The following MAU2 variants were observed in gnomAD, a reference collection of about 807,000 sequenced individuals.
MAU2 encodes the protein MAU2 chromatid cohesion factor homolog.
MAU2 carries 9 observed loss-of-function variants against 89.1 expected under a neutral mutation model. The observed-to-expected ratio is 0.10, with a 90% CI of 0.06 to 0.18. MAU2 has a LOEUF of 0.18. MAU2 is among the 10% of genes least tolerant of loss of function. MAU2 has a pLI of 1.00. For synonymous variants in MAU2, 357 were observed against 343.4 expected, an observed-to-expected ratio of 1.04 and a Z score of -0.44; for missense variants, 425 against 803.5, an observed-to-expected ratio of 0.53 and a Z score of 5.69.
intron 9 of MAU2, among the ~76,000 whole-genome samples, chr19:19,343,108 G>A (rs1161853372): frequency 6.6e-6 from 1 of 152,218 alleles, no homozygotes; most frequent in Non-Finnish European, 1.5e-5. Flanking sequence ...GTCATGCTCA[G>A]TTGAAACAGG....
At chr19:19,348,363 CAA>C in intron 13 of MAU2, 1 of 204,742 alleles carries the variant, frequency 4.9e-6, no homozygotes. Context: ...GAACCTGTCT[CAA>C]AGGAAAAAGA....
intron 1 of MAU2, among the ~76,000 whole-genome samples, chr19:19,327,150 C>T (rs1293671888): frequency 1.4e-5 from 2 of 139,816 alleles, no homozygotes; most frequent in Non-Finnish European, 3.1e-5. Context: ...TAGATGGACT[C>T]TCACTCTGTT....
At chr19:19,347,026 G>T (rs1040211504) in intron 12 of MAU2, 3 of 485,810 alleles carry the variant, frequency 6.2e-6, no homozygotes, top group Admixed American at 3.6e-5. Context: ...GACATGTTCT[G>T]AGGGTAGGAT....
chr19:19,350,667 A>C (rs961238381), intron 16 of MAU2, among the ~76,000 whole-genome samples: 1 of 150,946 alleles, frequency 6.6e-6, no homozygotes, highest in Non-Finnish European at 1.5e-5. Flanking sequence ...TTGGGAGGCC[A>C]AGGCGGGCAG....
intron 10 of MAU2, chr19:19,344,577 G>A: frequency 3.7e-6 from 2 of 546,450 alleles, no homozygotes; most frequent in South Asian, 4.5e-5. Flanking sequence ...TCCTGAGAGG[G>A]CATGGGGGCC....
chr19:19,348,813 A>G, intron 13 of MAU2, 76 bp from the exon 14 acceptor site: 1 of 1,479,598 alleles, frequency 6.8e-7, no homozygotes, highest in Non-Finnish European at 9.5e-7. Context: ...AGAAATTCCC[A>G]TGCACTGCAG....
intron 5 of MAU2, chr19:19,339,681 C>T (rs1002044800): frequency 7.2e-5 from 11 of 151,918 alleles, no homozygotes; most frequent in African/African-American, 2.4e-4. Context: ...GCCATTGCAC[C>T]CAACCGCCTT....
chr19:19,351,078 C>T (rs938071163), intron 16 of MAU2, among the ~76,000 whole-genome samples: 4 of 151,834 alleles, frequency 2.6e-5, no homozygotes, highest in African/African-American at 4.8e-5. Flanking sequence ...AGTCTCACTC[C>T]GTCACCCAAG....
intron 4 of MAU2, among the ~76,000 whole-genome samples, 161 bp from the exon 5 acceptor site, chr19:19,338,684 T>G (rs2061616212): frequency 6.6e-6 from 1 of 152,202 alleles, no homozygotes; most frequent in Non-Finnish European, 1.5e-5. Flanking sequence ...CCCAAAGCAA[T>G]TAGCGTTGAT....
chr19:19,324,411 G>A (rs2061487925), intron 1 of MAU2, among the ~76,000 whole-genome samples: 1 of 152,170 alleles, frequency 6.6e-6, no homozygotes, highest in Non-Finnish European at 1.5e-5. Flanking sequence ...TTATTGACTG[G>A]GAGGGGTCTG....
At chr19:19,329,458 C>T (rs988795407) in intron 1 of MAU2, among the ~76,000 whole-genome samples, 2 of 152,168 alleles carry the variant, frequency 1.3e-5, no homozygotes, top group African/African-American at 4.8e-5. Flanking sequence ...TTGGCACCTA[C>T]TACATGCCAG....
intron 1 of MAU2, among the ~76,000 whole-genome samples, chr19:19,330,008 C>T (rs993317359): frequency 6.7e-6 from 1 of 150,372 alleles, no homozygotes; most frequent in Admixed American, 6.6e-5. Context: ...GAGATAAAGT[C>T]TCACTCTGTC....
At chr19:19,329,912 C>T (rs1050834167) in intron 1 of MAU2, among the ~76,000 whole-genome samples, 1 of 152,032 alleles carries the variant, frequency 6.6e-6, no homozygotes, top group Non-Finnish European at 1.5e-5. Context: ...GCCATGATTG[C>T]ACCACTGCAT....
chr19:19,331,531 G>A (rs145873537), intron 1 of MAU2, among the ~76,000 whole-genome samples: 5 of 151,896 alleles, frequency 3.3e-5, no homozygotes, highest in African/African-American at 7.2e-5. Flanking sequence ...AGATGAGGTA[G>A]CAACCTTGGG....
chr19:19,342,890 A>G lies in MAU2; in HGVS notation c.973+24A>G, dbSNP rs543012604. On this transcript the variant is annotated intron_variant, in intron 9 of 18. Coordinates refer to ENST00000262815, the MANE Select transcript of MAU2 (RefSeq NM_015329.4). ...GAGTAAGTCAGGTGCTCGGCTGGCC[A>G]CATGGCCACAGCGACCCCTGGCGGA... is the stretch of plus-strand genomic sequence containing the variant. 3.1e-5 allele frequency: 50 copies of G among 1,612,274 alleles called. No homozygotes were observed. In the East Asian group the frequency reaches 1.1e-3, roughly 35 times the overall value.
At chr19:19,334,196 C>T in intron 1 of MAU2, 1 of 985,380 alleles carries the variant, frequency 1.0e-6, no homozygotes, top group South Asian at 4.7e-5. Context: ...GGAGCCTCAC[C>T]TCTGGGGCCA....
At chr19:19,347,219 C>T in intron 12 of MAU2, 61 bp from the exon 13 acceptor site, 1 of 1,016,806 alleles carries the variant, frequency 9.8e-7, no homozygotes, top group South Asian at 1.3e-5. Context: ...GGTGCTCTGA[C>T]ACTGCCACAT....
At chr19:19,344,089 G>A in intron 10 of MAU2, 149 bp downstream of exon 10, 1 of 644,138 alleles carries the variant, frequency 1.6e-6, no homozygotes, top group Non-Finnish European at 2.8e-6. Context: ...AGCCCTGCAT[G>A]GGCACCACTG....
intron 1 of MAU2, among the ~76,000 whole-genome samples, chr19:19,332,393 C>CA (rs1342420971): frequency 6.9e-6 from 1 of 145,642 alleles, no homozygotes; most frequent in East Asian, 2.0e-4. Flanking sequence ...AGGCCGGTCA[C>CA]AAAAAGAGGG....
Sources: gnomAD v4.1 joint callset for allele counts (sites outside exome capture counted in the v4.1 genomes callset) on GRCh38, gnomAD v4.1.1 for gene constraint, MANE v1.5 for transcripts, NCBI Gene and HGNC (gene_info 2026-07-23, HGNC 2026-07-21) for gene names.